The following CACNG4 variants were observed in gnomAD, a reference collection of about 807,000 sequenced individuals.
CACNG4 encodes the protein calcium voltage-gated channel auxiliary subunit gamma 4.
A neutral mutation model predicts 22.9 loss-of-function variants in CACNG4; 8 were observed. That is an observed-to-expected ratio of 0.35 (90% CI 0.21 to 0.63). The LOEUF is 0.63. Ranked by LOEUF, CACNG4 falls within the 30% of genes least tolerant of loss-of-function variation. The probability of loss-of-function intolerance (pLI) is 0.72; values close to 1 mark genes in which losing one functional copy is unlikely to be tolerated. For synonymous variants in CACNG4, 188 were observed against 191.9 expected, an observed-to-expected ratio of 0.98 and a Z score of 0.17; for missense variants, 357 against 455.4, an observed-to-expected ratio of 0.78 and a Z score of 1.97.
chr17:67,010,917 C>T (rs998113244), intron 1 of CACNG4, among the ~76,000 whole-genome samples: 1 of 152,134 alleles, frequency 6.6e-6, no homozygotes, highest in African/African-American at 2.4e-5. Flanking sequence ...CAGTGTGCCC[C>T]TTTCTGAGAC....
rs529216822 is a variant in CACNG4, at chr17:66,968,344, G to A, written c.220+3213G>A. 7.2e-5 allele frequency among the ~76,000 whole-genome samples: 11 copies of A among 152,226 alleles called. No individual in the cohort carries two copies. In the South Asian group the frequency reaches 1.9e-3, roughly 26 times the overall value. On this transcript the variant is annotated intron_variant, in intron 1 of 3. Coordinates refer to ENST00000262138, the MANE Select transcript of CACNG4 (RefSeq NM_014405.4). ...GGCATTAGAAGTGAGGATGCACAAC[G>A]GATACATAAATTGCGTAACACACCT...
chr17:66,981,405 T>A (rs1480253875), intron 1 of CACNG4, among the ~76,000 whole-genome samples: 2 of 152,194 alleles, frequency 1.3e-5, no homozygotes, highest in African/African-American at 4.8e-5. Flanking sequence ...TAGCCCTTCA[T>A]ATTCTTGCAA....
chr17:67,018,190 G>A lies in CACNG4; in HGVS notation c.222G>A (p.Gly74=), dbSNP rs372687382. Residue 74 remains glycine, a splice_region_variant and synonymous_variant, in exon 2 of 4, where the codon GGG becomes GGA. Coordinates refer to ENST00000262138, the MANE Select transcript of CACNG4 (RefSeq NM_014405.4). Reference sequence around the variant, plus strand: ...TTCTTTTCCTCTCGTTCCTTCCAGGGATCTATAAAGGGCACTGCTTCCGGA... The same window carrying A: ...TTCTTTTCCTCTCGTTCCTTCCAGGAATCTATAAAGGGCACTGCTTCCGGA... ...SGLWRVCCIE[G]IYKGHCFRIN... is the part of the protein sequence containing the mutation. The A allele has an allele frequency of 6.2e-7, 1 of 1,612,694 alleles. No individual in the cohort carries two copies. Among genetic ancestry groups the A allele is most frequent in the South Asian group, 1.1e-5 (1 of 91,048 alleles).
At chr17:67,023,738 AT>A (rs532180890) in intron 2 of CACNG4, among the ~76,000 whole-genome samples, 1,553 of 151,260 alleles carry the variant, frequency 0.01, 10 homozygotes, top group Non-Finnish European at 0.017. Flanking sequence ...TGCCCGGCTA[AT>A]TTTTTTTGTT....
chr17:66,979,176 C>G (rs2035256125), intron 1 of CACNG4, among the ~76,000 whole-genome samples: 1 of 152,198 alleles, frequency 6.6e-6, no homozygotes, highest in South Asian at 2.1e-4. Flanking sequence ...ACCCATTTTC[C>G]CCATTCCCCA....
At chr17:67,019,443 A>C (rs2143357784) in intron 2 of CACNG4, among the ~76,000 whole-genome samples, 1 of 152,272 alleles carries the variant, frequency 6.6e-6, no homozygotes, top group South Asian at 2.1e-4. Context: ...GGGCCGCCAG[A>C]GATGGTTGTG....
Position 67,030,036 on chromosome 17 carries a change from G to A in CACNG4, c.446-430G>A, listed in dbSNP as rs780961085. ...CGTGAGACTTCTGTATGGCGGTGCC[G>A]CACGTAGTTAGAAAGACAGGGATGG... is the stretch of plus-strand genomic sequence containing the variant. On this transcript the variant is annotated intron_variant, in intron 3 of 3. Coordinates refer to ENST00000262138, the MANE Select transcript of CACNG4 (RefSeq NM_014405.4). The surrounding 1 kb of genome is among the most constrained non-coding windows in gnomAD (Gnocchi z 6.4). Among the ~76,000 whole-genome samples, 6 of 152,178 alleles carry A rather than the reference G, an allele frequency of 3.9e-5. No homozygotes were observed. The highest frequency in any genetic ancestry group is 7.3e-5 in the Non-Finnish European group (5 of 68,034).
chr17:67,003,463 A>T (rs892203144), intron 1 of CACNG4, among the ~76,000 whole-genome samples: 23 of 152,114 alleles, frequency 1.5e-4, no homozygotes, highest in Admixed American at 2.0e-4. Flanking sequence ...TCAGGGGAGA[A>T]AAGTACTGTG....
intron 1 of CACNG4, among the ~76,000 whole-genome samples, chr17:66,997,451 T>A (rs1344081321): frequency 6.6e-6 from 1 of 151,988 alleles, no homozygotes; most frequent in African/African-American, 2.4e-5. Context: ...CTGTGGCCCC[T>A]GTTGGACTTC....
chr17:67,027,884 G>T lies in CACNG4; in HGVS notation c.446-2582G>T, dbSNP rs1427945096. Among the ~76,000 whole-genome samples the T allele has an allele frequency of 6.6e-6, 1 of 152,148 alleles. No individual in the cohort carries two copies. The highest frequency in any genetic ancestry group is 1.5e-5 in the Non-Finnish European group (1 of 68,036). On this transcript the variant is annotated intron_variant, in intron 3 of 3. Coordinates refer to ENST00000262138, the MANE Select transcript of CACNG4 (RefSeq NM_014405.4). This position sits in a 1 kb window ranked among gnomAD's most constrained non-coding sequence, Gnocchi z 4.3. ...AAAATACAAAAATTAGCTGGGTTTGGTGGCAGGTGCCTGTAATCCCAGCTA... is the reference window on the plus strand; with the variant it reads ...AAAATACAAAAATTAGCTGGGTTTGTTGGCAGGTGCCTGTAATCCCAGCTA...
rs1223658539 is a variant in CACNG4 at position 66,984,111 on chromosome 17, G to T, written c.220+18980G>T. ...TTAAAAATAGTAGCCAGCTGCAATG[G>T]CTTGAACCTGTAATCCTAGCACTTT... is the stretch of plus-strand genomic sequence containing the variant. On this transcript the variant is annotated intron_variant, in intron 1 of 3. Coordinates refer to ENST00000262138, the MANE Select transcript of CACNG4 (RefSeq NM_014405.4). The surrounding 1 kb of genome is among the most constrained non-coding windows in gnomAD (Gnocchi z 4.0). Among the ~76,000 whole-genome samples the T allele has an allele frequency of 2.0e-5, 3 of 152,196 alleles. No homozygotes were observed. Among genetic ancestry groups the T allele is most frequent in the Non-Finnish European group, 4.4e-5 (3 of 68,042 alleles).
At chr17:66,994,680 G>A (rs866528687) in intron 1 of CACNG4, among the ~76,000 whole-genome samples, 19 of 152,232 alleles carry the variant, frequency 1.2e-4, no homozygotes, top group South Asian at 2.1e-4. Flanking sequence ...CAGAACTGCC[G>A]TTTTCTCCTC....
chr17:67,009,611 A>C (rs2035456921), intron 1 of CACNG4, among the ~76,000 whole-genome samples: 1 of 152,206 alleles, frequency 6.6e-6, no homozygotes, highest in Non-Finnish European at 1.5e-5. Flanking sequence ...AAATACTATA[A>C]ATTGGGTGGC....
intron 1 of CACNG4, among the ~76,000 whole-genome samples, chr17:67,010,116 C>A (rs1351258117): frequency 2.6e-5 from 4 of 152,126 alleles, no homozygotes; most frequent in African/African-American, 4.8e-5. Flanking sequence ...GCCTTCTCTG[C>A]ACACATCAGC....
At chr17:67,018,978 T>C (rs188094712) in intron 2 of CACNG4, among the ~76,000 whole-genome samples, 105 of 151,702 alleles carry the variant, frequency 6.9e-4, no homozygotes, top group Middle Eastern at 3.4e-3. Context: ...CCAGATCTCA[T>C]CCCTGGGCCT....
intron 1 of CACNG4, among the ~76,000 whole-genome samples, chr17:66,994,668 C>G (rs1173344963): frequency 1.3e-5 from 2 of 152,200 alleles, no homozygotes; most frequent in African/African-American, 4.8e-5. Flanking sequence ...TTGGTCATCT[C>G]CCAGAACTGC....
intron 1 of CACNG4, among the ~76,000 whole-genome samples, chr17:66,989,226 G>A (rs765767860): frequency 6.6e-6 from 1 of 151,188 alleles, no homozygotes; most frequent in Non-Finnish European, 1.5e-5. Flanking sequence ...CTGGGAATCT[G>A]ACCTTATTTG....
chr17:66,981,575 G>A (rs186395331), intron 1 of CACNG4, among the ~76,000 whole-genome samples: 5 of 152,276 alleles, frequency 3.3e-5, no homozygotes, highest in Non-Finnish European at 7.3e-5. Context: ...GGGGTGCTGG[G>A]GCCGAGAGAA....
intron 3 of CACNG4, among the ~76,000 whole-genome samples, chr17:67,028,143 G>A (rs558562988): frequency 3.9e-5 from 6 of 152,240 alleles, no homozygotes; most frequent in Non-Finnish European, 5.9e-5. Context: ...GCTCAGGGCA[G>A]GACTGCTGGA....
Sources: allele counts gnomAD v4.1 joint callset (sites outside exome capture counted in the v4.1 genomes callset), GRCh38; gene constraint gnomAD v4.1.1; non-coding constraint Gnocchi (gnomAD v3.1); transcripts MANE v1.5; gene names NCBI Gene and HGNC (gene_info 2026-07-23, HGNC 2026-07-21).